LRCH2: variants seen among roughly 807,000 people sequenced by gnomAD.
LRCH2 encodes the protein leucine rich repeats and calponin homology domain containing 2.
In LRCH2, 38 loss-of-function variants were observed where a neutral mutation model predicts 68.9. The ratio of observed to expected loss-of-function variants is 0.55; its 90% confidence interval spans 0.43 to 0.72. The LOEUF (loss-of-function observed/expected upper bound fraction) is 0.72. Among genes scored for constraint, LRCH2 ranks in the 30% least tolerant of loss-of-function variants. LRCH2 has a pLI of 0.00. For missense variants in LRCH2, 528 were observed against 572.9 expected, an observed-to-expected ratio of 0.92 and a Z score of 0.80; for synonymous variants, 191 against 208.1, an observed-to-expected ratio of 0.92 and a Z score of 0.71.
rs782475632 is a variant in LRCH2, at chrX:115,163,761, C to G, written c.1378G>C (p.Ala460Pro). 8.4e-7 allele frequency: 1 copy of G among 1,194,545 alleles called. No homozygotes were observed. The highest frequency in any genetic ancestry group is 1.1e-6 in the Non-Finnish European group (1 of 884,399). Reference protein sequence around the residue: ...EKRLEKEQLLAEEEDDDLKEV... With the variant: ...EKRLEKEQLLPEEEDDDLKEV... ...TTCAAATCATCATCCTCTTCCTCTGCCAGTAACTGTTCTTTCTCAAGTCTG... is the reference window on the plus strand; with the variant it reads ...TTCAAATCATCATCCTCTTCCTCTGGCAGTAACTGTTCTTTCTCAAGTCTG... The change falls in exon 11 of 21, where the codon GCA becomes CCA. Residue 460 changes from alanine to proline, a missense_variant. By Grantham distance (27) the Ala-to-Pro change is conservative. Coordinates refer to ENST00000317135, the MANE Select transcript of LRCH2 (RefSeq NM_020871.4).
intron 1 of LRCH2, among the ~76,000 whole-genome samples, chrX:115,220,344 G>C (rs2073069855): frequency 8.9e-6 from 1 of 112,263 alleles, no homozygotes; most frequent in South Asian, 3.7e-4. Context: ...ACAATGGAAA[G>C]ATGTTTAAGG....
rs782471811 is a variant in LRCH2 at position 115,233,438 on chromosome X, A to T, written c.349+255T>A. On this transcript the variant is annotated intron_variant, in intron 1 of 20. Transcript: ENST00000317135. ...ACTCCCTCCCACCCAAACTGGGGAA[A>T]CTTGCTTTAACAATGATGCTCTTTC... Among the ~76,000 whole-genome samples the T allele has an allele frequency of 7.2e-5, 8 of 111,782 alleles. No homozygotes were observed. The South Asian group carries it at 3.0e-3, about 42-fold the overall frequency.
intron 1 of LRCH2, among the ~76,000 whole-genome samples, chrX:115,220,963 G>A (rs2073074509): frequency 9.3e-6 from 1 of 108,082 alleles, no homozygotes; most frequent in South Asian, 4.1e-4. Context: ...CGAGGCGGGT[G>A]GATCACGAGG....
chrX:115,222,002 ATAT>A (rs1186475865), intron 1 of LRCH2, among the ~76,000 whole-genome samples: 1 of 111,020 alleles, frequency 9.0e-6, no homozygotes. Context: ...CGAGCAGCAC[ATAT>A]TATAGTTTGA....
chrX:115,160,069 G>T (rs1205486442), intron 11 of LRCH2, among the ~76,000 whole-genome samples: 1 of 111,401 alleles, frequency 9.0e-6, no homozygotes, highest in East Asian at 2.8e-4. Context: ...TGTAATCCCA[G>T]CACTTTGGGA....
intron 1 of LRCH2, chrX:115,190,168 C>T (rs925409056): frequency 1.1e-5 from 13 of 1,165,803 alleles, no homozygotes; most frequent in Non-Finnish European, 1.5e-5. Flanking sequence ...CCGGGAGCCA[C>T]TGCCCCCGTG....
intron 1 of LRCH2, chrX:115,192,566 G>T (rs1457298134): frequency 8.5e-6 from 10 of 1,170,373 alleles, no homozygotes; most frequent in Non-Finnish European, 1.1e-5. Flanking sequence ...TCTTACAGCC[G>T]GTCAGGCTGC....
In LRCH2 at chrX:115,201,773, C is replaced by G. The variant is rs781884368; in HGVS notation, c.350-13403G>C. ...TCTTATATCTAGAAAAACCTAAAGA[C>G]TCCACCAAAAAACTCTTAGATTTGA... On this transcript the variant is annotated intron_variant, in intron 1 of 20. Transcript: ENST00000317135. Among the ~76,000 whole-genome samples the G allele has an allele frequency of 2.1e-4, 23 of 111,751 alleles. 1 individual carries two copies. The East Asian group carries it at 5.6e-3, about 27-fold the overall frequency.
At chrX:115,141,479 A>AAG (rs1256299971) in intron 14 of LRCH2, among the ~76,000 whole-genome samples, 6 of 111,309 alleles carry the variant, frequency 5.4e-5, no homozygotes, top group African/African-American at 2.0e-4. Flanking sequence ...GCATTCTCTT[A>AAG]AGTTTCTGAT....
chrX:115,198,110 A>G (rs2147340657), intron 1 of LRCH2, among the ~76,000 whole-genome samples: 1 of 106,223 alleles, frequency 9.4e-6, no homozygotes, highest in East Asian at 3.0e-4. Flanking sequence ...ATCCACATGC[A>G]GAACATGCAG....
intron 1 of LRCH2, among the ~76,000 whole-genome samples, chrX:115,220,038 C>A (rs186995195): frequency 8.9e-6 from 1 of 112,019 alleles, no homozygotes; most frequent in East Asian, 2.8e-4. Flanking sequence ...TGAGAAGCAT[C>A]TATTATAAAC....
chrX:115,222,998 T>C (rs1010507108), intron 1 of LRCH2, among the ~76,000 whole-genome samples: 2 of 111,989 alleles, frequency 1.8e-5, no homozygotes, highest in Admixed American at 9.5e-5. Flanking sequence ...TATAGATCAA[T>C]GAAATACAAT....
chrX:115,191,551 G>A (rs1397127084), intron 1 of LRCH2: 2 of 1,120,803 alleles, frequency 1.8e-6, no homozygotes, highest in Non-Finnish European at 1.2e-6. Context: ...CCGCTATGGA[G>A]GAGGCGGCCG....
Position 115,130,216 on chromosome X carries a change from A to C in LRCH2, c.1696-17T>G, listed in dbSNP as rs1556529527. 1 of 915,803 alleles carries C rather than the reference A, an allele frequency of 1.1e-6. No individual in the cohort carries two copies. The highest frequency in any genetic ancestry group is 2.0e-5 in the African/African-American group (1 of 50,663). The allele number at this position is 915,803 out of a possible 1,213,427, so 75.5% of individuals were successfully genotyped here. A position where few individuals can be genotyped will look rare whatever the true frequency, so the allele number is the denominator to read the frequency against. On this transcript the variant is annotated splice_polypyrimidine_tract_variant and intron_variant, in intron 14 of 20. Coordinates refer to ENST00000317135, the MANE Select transcript of LRCH2 (RefSeq NM_020871.4). ...TGATTTATACTGAAAAATATTTAAA[A>C]CACATAATTTATTTTCCCTTGAACA... is the stretch of plus-strand genomic sequence containing the variant.
rs782452544 is a variant in LRCH2 at position 115,179,274 on chromosome X, A to C, written c.864+153T>G. Among the ~76,000 whole-genome samples the C allele has an allele frequency of 3.6e-5, 4 of 112,532 alleles. No homozygotes were observed. In the South Asian group the frequency reaches 1.5e-3, roughly 41 times the overall value. On this transcript the variant is annotated intron_variant, in intron 5 of 20. Transcript: ENST00000317135. Reference sequence around the variant, plus strand: ...AGAGCCTAAGCTAAAACTCCTACCAAAGTGCAAAAGGCAATGCTCAGAAAA... The same window carrying C: ...AGAGCCTAAGCTAAAACTCCTACCACAGTGCAAAAGGCAATGCTCAGAAAA...
chrX:115,126,824 A>G lies in LRCH2; in HGVS notation c.1791+19T>C, dbSNP rs957024548. ...CATACAAAACGTATTTTTAAGACAA[A>G]TAAAAACAGAACTTGTACCTCAGAT... On this transcript the variant is annotated intron_variant, in intron 16 of 20. Transcript: ENST00000317135. 9.2e-7 allele frequency: 1 copy of G among 1,081,876 alleles called. No homozygotes were observed. The highest frequency in any genetic ancestry group is 3.6e-5 in the East Asian group (1 of 27,488). 89.2% of individuals were successfully genotyped at this position (1,081,876 alleles called of 1,213,427 possible).
intron 20 of LRCH2, among the ~76,000 whole-genome samples, chrX:115,114,820 C>CA (rs1196974125): frequency 5.5e-5 from 6 of 109,978 alleles, no homozygotes; most frequent in Non-Finnish European, 1.1e-4. Context: ...GAAACACACA[C>CA]AAAAAAACTA....
chrX:115,139,338 T>C (rs1556533227), intron 14 of LRCH2, among the ~76,000 whole-genome samples: 1 of 112,237 alleles, frequency 8.9e-6, no homozygotes. Flanking sequence ...ATTTTATGAG[T>C]TATTATGTTT....
At chrX:115,142,280 C>A (rs1473913049) in intron 14 of LRCH2, among the ~76,000 whole-genome samples, 1 of 112,009 alleles carries the variant, frequency 8.9e-6, no homozygotes, top group African/African-American at 3.2e-5. Context: ...CATCAAAGAA[C>A]AATTGGACTT....
Sources: allele counts gnomAD v4.1 joint callset (sites outside exome capture counted in the v4.1 genomes callset), GRCh38; gene constraint gnomAD v4.1.1; transcripts MANE v1.5; gene names NCBI Gene and HGNC (gene_info 2026-07-23, HGNC 2026-07-21).